The following NCOA1 variants were observed in gnomAD, a reference collection of about 807,000 sequenced individuals.
NCOA1 encodes the protein nuclear receptor coactivator 1.
In NCOA1, 35 loss-of-function variants were observed where a neutral mutation model predicts 150.9. That is an observed-to-expected ratio of 0.23 (90% CI 0.18 to 0.31). NCOA1 has a LOEUF of 0.31. NCOA1 is among the 10% of genes least tolerant of loss of function. The pLI is 1.00. For missense variants in NCOA1, 1,491 were observed against 1,749.3 expected (o/e 0.85, Z 2.63); for synonymous variants, 590 against 630.0 (o/e 0.94, Z 0.95).
Position 24,741,951 on chromosome 2 carries a change from C to A in NCOA1, c.3471C>A (p.Pro1157=), listed in dbSNP as rs941317288. ...GACTACCAGTTCAAATGGGGAACCC[C>A]CGTCTTCCTCAGGGTGCTCCACAGC... is the stretch of plus-strand genomic sequence containing the variant. The part of the protein sequence containing the change: ...SSGLPVQMGN[P]RLPQGAPQQF... The change falls in exon 19 of 23, where the codon CCC becomes CCA. Residue 1157 remains proline, a synonymous_variant. Coordinates refer to ENST00000348332, the MANE Select transcript of NCOA1 (RefSeq NM_003743.5). 6.2e-7 allele frequency: 1 copy of A among 1,614,092 alleles called. No homozygotes were observed. The highest frequency in any genetic ancestry group is 1.3e-5 in the African/African-American group (1 of 74,932).
chr2:24,712,409 T>C (rs892581488), intron 14 of NCOA1, among the ~76,000 whole-genome samples: 2 of 152,152 alleles, frequency 1.3e-5, no homozygotes, highest in Non-Finnish European at 1.5e-5. Context: ...TCAGGGGACA[T>C]TGAATGGGCG....
At position 24,696,471 on chromosome 2, in the gene NCOA1, TAAA is replaced by T. The variant is rs538309502; in HGVS notation, c.809-1186_809-1184del. Among the ~76,000 whole-genome samples, 18 of 152,268 alleles carry T rather than the reference TAAA, an allele frequency of 1.2e-4. No homozygotes were observed. In the East Asian group the frequency reaches 2.7e-3, roughly 23 times the overall value. On this transcript the variant is annotated intron_variant, in intron 10 of 22. Transcript: ENST00000348332. ...TTTTTCACCTACTAATTTGAAAACA[TAAA>T]GAAGCCTGACAACACAAGTGATGAA...
intron 1 of NCOA1, among the ~76,000 whole-genome samples, chr2:24,511,827 T>C (rs558724653): frequency 5.3e-5 from 8 of 152,330 alleles, no homozygotes; most frequent in East Asian, 3.9e-4. Flanking sequence ...GTCTTTTTTT[T>C]CTAAGAGTTT....
At chr2:24,572,314 T>C (rs561768141) in intron 2 of NCOA1, among the ~76,000 whole-genome samples, 32 of 152,224 alleles carry the variant, frequency 2.1e-4, no homozygotes, top group African/African-American at 7.5e-4. Context: ...AATGATAGGC[T>C]CTGAGTTTGA....
At chr2:24,540,622 C>G (rs1665351258) in intron 1 of NCOA1, among the ~76,000 whole-genome samples, 3 of 152,064 alleles carry the variant, frequency 2.0e-5, no homozygotes, top group Admixed American at 2.0e-4. Context: ...CCACACCTGG[C>G]TAATTTTTAT....
chr2:24,590,702 T>G (rs1421659253), intron 3 of NCOA1, among the ~76,000 whole-genome samples: 1 of 152,208 alleles, frequency 6.6e-6, no homozygotes, highest in African/African-American at 2.4e-5. Flanking sequence ...ATTCCTCATA[T>G]TTGTGTTTAC....
chr2:24,634,471 T>C (rs1469799369), intron 3 of NCOA1, among the ~76,000 whole-genome samples: 1 of 152,226 alleles, frequency 6.6e-6, no homozygotes, highest in African/African-American at 2.4e-5. Context: ...TAGGTACTCT[T>C]CTATCACCTT....
chr2:24,752,079 C>G lies in NCOA1; in HGVS notation c.3804C>G (p.Leu1268=). The G allele has an allele frequency of 6.2e-7, 1 of 1,614,146 alleles. No homozygotes were observed. Among genetic ancestry groups the G allele is most frequent in the Non-Finnish European group, 8.5e-7 (1 of 1,180,004 alleles). The change falls in exon 20 of 23, where the codon CTC becomes CTG. Residue 1268 remains leucine (L), a synonymous_variant. Transcript: ENST00000348332. ...TCCCTCCTCCTCAGAGTTCTCTTCT[C>G]CAGCAAACTCCACCTGCCTCCGGGT... is the stretch of plus-strand genomic sequence containing the variant. ...MPIPPPQSSL[L]QQTPPASGYQ... is the part of the protein sequence containing the mutation.
chr2:24,641,108 T>C (rs1325705772), intron 3 of NCOA1, among the ~76,000 whole-genome samples: 1 of 151,904 alleles, frequency 6.6e-6, no homozygotes, highest in African/African-American at 2.4e-5. Context: ...TTTTGAACAC[T>C]ACTCTTTTAT....
intron 3 of NCOA1, among the ~76,000 whole-genome samples, chr2:24,635,168 C>G (rs1245616799): frequency 6.6e-6 from 1 of 151,786 alleles, no homozygotes; most frequent in Non-Finnish European, 1.5e-5. Flanking sequence ...TTCTTCCCCC[C>G]ATTCCTTCAT....
intron 13 of NCOA1, among the ~76,000 whole-genome samples, chr2:24,709,259 G>T (rs942999368): frequency 6.6e-6 from 1 of 152,180 alleles, no homozygotes; most frequent in Non-Finnish European, 1.5e-5. Context: ...CTTCTTAGGA[G>T]TAGAACTACA....
At chr2:24,709,283 T>C (rs539523689) in intron 13 of NCOA1, among the ~76,000 whole-genome samples, 1 of 152,232 alleles carries the variant, frequency 6.6e-6, no homozygotes, top group African/African-American at 2.4e-5. Context: ...TAATAAGATA[T>C]GCATATGTCC....
At chr2:24,537,073 A>G (rs1665178916) in intron 1 of NCOA1, among the ~76,000 whole-genome samples, 2 of 151,996 alleles carry the variant, frequency 1.3e-5, no homozygotes, top group African/African-American at 2.4e-5. Context: ...CTTCACTACT[A>G]TACAATTCGT....
At chr2:24,672,220 G>A (rs946655231) in intron 6 of NCOA1, among the ~76,000 whole-genome samples, 1 of 151,974 alleles carries the variant, frequency 6.6e-6, no homozygotes, top group Admixed American at 6.6e-5. Flanking sequence ...CAGAATAATG[G>A]TTACTTCTGA....
intron 5 of NCOA1, among the ~76,000 whole-genome samples, chr2:24,661,174 T>C (rs1671169417): frequency 2.6e-5 from 4 of 152,228 alleles, no homozygotes; most frequent in Admixed American, 2.6e-4. Flanking sequence ...CCCACATTCT[T>C]ACTATCACTG....
intron 7 of NCOA1, among the ~76,000 whole-genome samples, chr2:24,681,177 A>C (rs1304942863): frequency 6.6e-6 from 1 of 152,168 alleles, no homozygotes; most frequent in African/African-American, 2.4e-5. Context: ...CAACCTGGCC[A>C]ACATGGTAAA....
chr2:24,707,680 C>T lies in NCOA1; in HGVS notation c.2210C>T (p.Ala737Val), dbSNP rs760127161. The change falls in exon 13 of 23, where the codon GCT becomes GTT. Residue 737 changes from alanine (A) to valine (V), a missense_variant. Physicochemically the swap from Ala to Val is moderately conservative, Grantham distance 64 (BLOSUM62 0). This residue lies in a region of NCOA1 where 703 missense variants were observed against 717.7 expected (regional missense o/e 0.98). Coordinates refer to ENST00000348332, the MANE Select transcript of NCOA1 (RefSeq NM_003743.5). The part of the protein sequence containing the change: ...GNSSIKLELD[A>V]SKKKESKDHQ... The stretch of plus-strand genomic sequence containing the variant: ...TCCAGTATAAAACTAGAACTGGATG[C>T]TTCAAAGAAAAAAGAATCAAAAGAC... The T allele has an allele frequency of 1.2e-6, 2 of 1,614,080 alleles. No individual in the cohort carries two copies. The highest frequency in any genetic ancestry group is 1.7e-6 in the Non-Finnish European group (2 of 1,179,992).
intron 3 of NCOA1, among the ~76,000 whole-genome samples, chr2:24,615,603 G>A (rs1318017915): frequency 6.6e-6 from 1 of 152,174 alleles, no homozygotes; most frequent in African/African-American, 2.4e-5. Context: ...GACTGTCAAT[G>A]TTGAGAATCT....
In NCOA1 at chr2:24,707,263, C is replaced by T; in HGVS notation, c.1793C>T (p.Ser598Phe). 1 of 1,614,216 alleles carries T rather than the reference C, an allele frequency of 6.2e-7. No homozygotes were observed. The highest frequency in any genetic ancestry group is 8.5e-7 in the Non-Finnish European group (1 of 1,180,034). ...IASILNEMIQSDNSSSDGKPL... is the reference protein window; with the variant it reads ...IASILNEMIQFDNSSSDGKPL... Reference sequence around the variant, plus strand: ...TCAATTTTAAATGAAATGATTCAATCTGACAACAGCTCTAGTGATGGCAAA... The same window carrying T: ...TCAATTTTAAATGAAATGATTCAATTTGACAACAGCTCTAGTGATGGCAAA... Residue 598 changes from serine (S) to phenylalanine (F), a missense_variant, in exon 13 of 23, where the codon TCT (serine) becomes TTT (phenylalanine). Ser to Phe is a radical substitution (Grantham distance 155). Around this residue, in one of 8 missense-constraint regions of NCOA1, gnomAD observed 703 missense variants for 717.7 expected, o/e 0.98. Transcript: ENST00000348332.
Sources: gnomAD v4.1 joint callset for allele counts (sites outside exome capture counted in the v4.1 genomes callset) on GRCh38, gnomAD v4.1.1 for gene constraint, gnomAD v4.1.1 regional missense constraint, MANE v1.5 for transcripts, NCBI Gene and HGNC (gene_info 2026-07-23, HGNC 2026-07-21) for gene names.